DNAH7: variants seen among roughly 807,000 people sequenced by gnomAD.
DNAH7 encodes dynein axonemal heavy chain 7, also known as axonemal beta dynein heavy chain 7.
Under a neutral mutation model 444.6 loss-of-function variants are expected in DNAH7, and 397 were observed. The observed-to-expected ratio is 0.89, with a 90% CI of 0.82 to 0.97. The LOEUF (loss-of-function observed/expected upper bound fraction) is 0.97, where lower values mean the gene tolerates loss of function less well. DNAH7 is among the 50% of genes least tolerant of loss of function. The probability of loss-of-function intolerance (pLI) is 0.00; values close to 1 mark genes in which losing one functional copy is unlikely to be tolerated. For missense variants in DNAH7, 4,902 were observed against 4,800.8 expected, an observed-to-expected ratio of 1.02 and a Z score of -0.62; for synonymous variants, 1,636 against 1,624.4, an observed-to-expected ratio of 1.01 and a Z score of -0.17.
At chr2:196,043,768 G>C (rs114965678) in intron 5 of DNAH7, among the ~76,000 whole-genome samples, 7,482 of 152,084 alleles carry the variant, frequency 0.049, 271 homozygotes, top group Non-Finnish European at 0.074. Flanking sequence ...ATTTTCAAAA[G>C]AAGATATGCA....
At chr2:195,788,564 A>C (rs1695733877) in intron 57 of DNAH7, among the ~76,000 whole-genome samples, 1 of 152,182 alleles carries the variant, frequency 6.6e-6, no homozygotes, top group Admixed American at 6.5e-5. Flanking sequence ...TAACTTTGAA[A>C]GGTAGAGTGG....
rs1170724742 is a variant in DNAH7, at chr2:195,923,721, G to A, written c.3699C>T (p.Arg1233=). Residue 1233 remains arginine, a synonymous_variant, in exon 23 of 65, where the codon CGC becomes CGT. Coordinates refer to ENST00000312428, the MANE Select transcript of DNAH7 (RefSeq NM_018897.3). ...GTACCACAAGTGCTCCCAGAGTTAC[G>A]CGATTCTGCATGGACAATTTGCCAC... is the stretch of plus-strand genomic sequence containing the variant. ...LVRGKLSMQN[R]VTLGALVVLD... 9 of 1,613,898 alleles carry A rather than the reference G, an allele frequency of 5.6e-6. No homozygotes were observed. Among genetic ancestry groups the A allele is most frequent in the Admixed American group, 3.3e-5 (2 of 59,984 alleles).
Position 195,906,730 on chromosome 2 carries a change from G to C in DNAH7, c.4264C>G (p.Pro1422Ala), listed in dbSNP as rs168192. Residue 1422 changes from proline to alanine, a missense_variant, in exon 27 of 65, where the codon CCC becomes GCC. Transcript: ENST00000312428. ...MFEGTELKLD[P>A]TCAVFITMNP... is the part of the protein sequence containing the mutation. ...ATTGTTATAAAGACAGCACATGTGG[G>C]GTCAAGTTTTAGTTCAGTTCCTTCA... is the stretch of plus-strand genomic sequence containing the variant. 9.3e-6 allele frequency: 15 copies of C among 1,613,168 alleles called. No homozygotes were observed. Among genetic ancestry groups the C allele is most frequent in the African/African-American group, 8.0e-5 (6 of 74,898 alleles).
In DNAH7 at chr2:195,737,765, A is replaced by AT; in HGVS notation, c.*155dup. On this transcript the variant is annotated 3_prime_UTR_variant, in exon 65 of 65. Coordinates refer to ENST00000312428, the MANE Select transcript of DNAH7 (RefSeq NM_018897.3). ...TTCCTTACATTTAAGTATGAGTCATATTAAGTTTAGCTGCATTTGCTCATA... is the reference window on the plus strand; with the variant it reads ...TTCCTTACATTTAAGTATGAGTCATATTTAAGTTTAGCTGCATTTGCTCATA... The AT allele has an allele frequency of 4.7e-6, 3 of 638,178 alleles. No homozygotes were observed. The South Asian group carries it at 6.1e-5, about 13-fold the overall frequency. The allele number at this position is 638,178 out of a possible 1,614,324, so 39.5% of individuals were successfully genotyped here. A position where few individuals can be genotyped will look rare whatever the true frequency, so the allele number is the denominator to read the frequency against.
intron 27 of DNAH7, chr2:195,905,077 G>A (rs1049222688): frequency 2.0e-5 from 3 of 152,126 alleles, no homozygotes; most frequent in Non-Finnish European, 4.4e-5. Flanking sequence ...AGGTGAATAT[G>A]TTAGCACTGT....
chr2:195,934,862 A>G (rs1688945518), intron 20 of DNAH7, 73 bp from the exon 21 acceptor site: 5 of 1,499,178 alleles, frequency 3.3e-6, no homozygotes, highest in East Asian at 4.7e-5. Flanking sequence ...TTCTTCGTTT[A>G]AAGTTCATAA....
In DNAH7 at chr2:195,934,448, C is replaced by T. The variant is rs1043578620; in HGVS notation, c.3471+143G>A. On this transcript the variant is annotated intron_variant, in intron 21 of 64. Transcript: ENST00000312428. The stretch of plus-strand genomic sequence containing the variant: ...ATTACTATCATAGAACATCTCTTTG[C>T]CTTCAAGTTATCTATCACATTTGAA... 6 of 892,654 alleles carry T rather than the reference C, an allele frequency of 6.7e-6. No individual in the cohort carries two copies. The African/African-American group carries it at 1.0e-4, about 15-fold the overall frequency. The allele number at this position is 892,654 out of a possible 1,614,324, so 55.3% of individuals were successfully genotyped here. A position where few individuals can be genotyped will look rare whatever the true frequency, so the allele number is the denominator to read the frequency against.
At chr2:195,975,929 C>T (rs575455027) in intron 15 of DNAH7, among the ~76,000 whole-genome samples, 18 of 152,168 alleles carry the variant, frequency 1.2e-4, no homozygotes, top group African/African-American at 2.9e-4. Context: ...TAGGAAACAC[C>T]CTGGGCCTTG....
chr2:195,952,938 T>C (rs1690367174), intron 19 of DNAH7, among the ~76,000 whole-genome samples: 1 of 152,180 alleles, frequency 6.6e-6, no homozygotes, highest in African/African-American at 2.4e-5. Flanking sequence ...TTCTGTCAAT[T>C]TGTGAAACTC....
chr2:195,909,756 T>C (rs1359673796), intron 25 of DNAH7, among the ~76,000 whole-genome samples: 2 of 152,278 alleles, frequency 1.3e-5, no homozygotes, highest in South Asian at 4.1e-4. Context: ...TCTCAAACTC[T>C]TATCTGCTCC....
intron 1 of DNAH7, among the ~76,000 whole-genome samples, chr2:196,064,466 C>T (rs1258708258): frequency 6.6e-6 from 1 of 152,072 alleles, no homozygotes; most frequent in Admixed American, 6.6e-5. Flanking sequence ...TGCAGACTAT[C>T]TATATTTACT....
At chr2:195,919,087 A>G (rs1687862542) in intron 24 of DNAH7, among the ~76,000 whole-genome samples, 1 of 151,794 alleles carries the variant, frequency 6.6e-6, no homozygotes, top group Non-Finnish European at 1.5e-5. Context: ...TGTCTCTACT[A>G]AAAAATACAA....
intron 12 of DNAH7, chr2:195,999,130 G>T: frequency 1.4e-6 from 1 of 717,302 alleles, no homozygotes; most frequent in Non-Finnish European, 2.6e-6. Context: ...AACACTGAAG[G>T]GTGACACAAT....
intron 19 of DNAH7, among the ~76,000 whole-genome samples, chr2:195,949,004 T>C (rs1690024539): frequency 6.6e-6 from 1 of 152,170 alleles, no homozygotes; most frequent in African/African-American, 2.4e-5. Flanking sequence ...GAAGAGGTCC[T>C]TCACATCCCT....
intron 27 of DNAH7, chr2:195,900,995 T>C (rs1251850395): frequency 6.6e-6 from 1 of 152,234 alleles, no homozygotes; most frequent in African/African-American, 2.4e-5. Context: ...GGGAATTAAA[T>C]AAAAAGACCA....
At chr2:195,843,393 C>T (rs751449973) in intron 47 of DNAH7, among the ~76,000 whole-genome samples, 1 of 151,824 alleles carries the variant, frequency 6.6e-6, no homozygotes, top group Non-Finnish European at 1.5e-5. Context: ...ATTTTAGTTC[C>T]CCAAAGTAAA....
At chr2:195,809,374 G>A (rs371712013) in intron 52 of DNAH7, among the ~76,000 whole-genome samples, 1 of 152,140 alleles carries the variant, frequency 6.6e-6, no homozygotes, top group South Asian at 2.1e-4. Flanking sequence ...AAACACGTAA[G>A]TGTATAAAAT....
rs1402120235 is a variant in DNAH7 at position 196,047,399 on chromosome 2, TG to T, written c.350del (p.Pro117HisfsTer23). On this transcript the variant is annotated frameshift_variant, in exon 5 of 65. Transcript: ENST00000312428. LOFTEE classifies it high-confidence loss of function. ...PSTSKSKGKS[P>X]HKERENFRST... ...TTCTAAAGTTTTCTCGTTCTTTATGTGGAGATTTGCCCTTTGATTTGGAAGT... is the reference window on the plus strand; with the variant it reads ...TTCTAAAGTTTTCTCGTTCTTTATGTGAGATTTGCCCTTTGATTTGGAAGT... 14 of 1,601,706 alleles carry T rather than the reference TG, an allele frequency of 8.7e-6. No homozygotes were observed. The highest frequency in any genetic ancestry group is 1.7e-4 in the Middle Eastern group (1 of 6,016).
chr2:196,032,183 C>G (rs925868261), intron 5 of DNAH7, among the ~76,000 whole-genome samples: 2 of 152,142 alleles, frequency 1.3e-5, no homozygotes, highest in African/African-American at 4.8e-5. Flanking sequence ...ATCAAACCAT[C>G]AGCTCTCCTG....
Sources: gnomAD v4.1 joint callset for allele counts (sites outside exome capture counted in the v4.1 genomes callset) on GRCh38, gnomAD v4.1.1 for gene constraint, MANE v1.5 for transcripts, NCBI Gene and HGNC (gene_info 2026-07-23, HGNC 2026-07-21) for gene names.